Variants in PRICKLE1 observed in about 807,000 individuals in gnomAD.
PRICKLE1 encodes prickle-like protein 1.
PRICKLE1 carries 14 observed loss-of-function variants against 70.2 expected under a neutral mutation model. The observed-to-expected ratio is 0.20, with a 90% CI of 0.13 to 0.31. The LOEUF is 0.31. Among genes scored for constraint, PRICKLE1 ranks in the 10% least tolerant of loss-of-function variants. The pLI, the probability that PRICKLE1 is intolerant of heterozygous loss-of-function variation, is 1.00. For synonymous variants in PRICKLE1, 357 were observed against 379.9 expected, an observed-to-expected ratio of 0.94 and a Z score of 0.70; for missense variants, 821 against 1,026.2, an observed-to-expected ratio of 0.80 and a Z score of 2.73.
At chr12:42,576,757 C>G (rs1002467609) in intron 1 of PRICKLE1, among the ~76,000 whole-genome samples, 33 of 152,134 alleles carry the variant, frequency 2.2e-4, no homozygotes, top group African/African-American at 7.7e-4. Context: ...CCGGTGGCTG[C>G]TTATAACTTT....
chr12:42,513,500 T>C (rs1218654622), intron 1 of PRICKLE1, among the ~76,000 whole-genome samples: 1 of 152,076 alleles, frequency 6.6e-6, no homozygotes, highest in Admixed American at 6.5e-5. Context: ...TGCAGCGTGC[T>C]ATGATAATGC....
intron 1 of PRICKLE1, among the ~76,000 whole-genome samples, chr12:42,561,169 G>T (rs955531919): frequency 2.0e-5 from 3 of 152,218 alleles, no homozygotes; most frequent in Non-Finnish European, 4.4e-5. Context: ...GCTACAGCAA[G>T]ATGGTGGAGA....
At chr12:42,528,447 G>A (rs1339326278) in intron 1 of PRICKLE1, among the ~76,000 whole-genome samples, 1 of 152,094 alleles carries the variant, frequency 6.6e-6, no homozygotes, top group Non-Finnish European at 1.5e-5. Context: ...TTTAAGGAGA[G>A]CTCTTAATTT....
intron 1 of PRICKLE1, among the ~76,000 whole-genome samples, chr12:42,508,713 G>A (rs913622529): frequency 3.3e-5 from 5 of 152,204 alleles, no homozygotes; most frequent in East Asian, 1.9e-4. Context: ...ACCAGAAGCA[G>A]TGGAAAGGAA....
chr12:42,522,748 T>C (rs1939733052), intron 1 of PRICKLE1, among the ~76,000 whole-genome samples: 1 of 152,150 alleles, frequency 6.6e-6, no homozygotes, highest in Non-Finnish European at 1.5e-5. Context: ...TTTTTTCCAT[T>C]AGCAAATAGA....
intron 1 of PRICKLE1, among the ~76,000 whole-genome samples, chr12:42,486,006 T>C (rs953185423): frequency 1.3e-5 from 2 of 152,234 alleles, no homozygotes; most frequent in Admixed American, 6.5e-5. Context: ...GGTGAACTTA[T>C]GCAGAATGGA....
chr12:42,503,465 T>C (rs17091301), intron 1 of PRICKLE1, among the ~76,000 whole-genome samples: 1,572 of 152,182 alleles, frequency 0.01, 28 homozygotes, highest in African/African-American at 0.035. Context: ...CCCGGAATTT[T>C]CCCAAAATAG....
chr12:42,528,504 C>T (rs1266813291), intron 1 of PRICKLE1, among the ~76,000 whole-genome samples: 1 of 152,112 alleles, frequency 6.6e-6, no homozygotes, highest in African/African-American at 2.4e-5. Context: ...ATAAAAACAA[C>T]CTAAAAATTA....
chr12:42,573,156 A>C (rs1229313103), intron 1 of PRICKLE1, among the ~76,000 whole-genome samples: 1 of 152,214 alleles, frequency 6.6e-6, no homozygotes, highest in Non-Finnish European at 1.5e-5. Flanking sequence ...CTAAATAAAT[A>C]AAATGCTCTG....
chr12:42,527,923 A>T (rs1206901696), intron 1 of PRICKLE1, among the ~76,000 whole-genome samples: 1 of 4,078 alleles, frequency 2.5e-4, no homozygotes, highest in Admixed American at 2.8e-3. Context: ...TATAATATAT[A>T]TATATATATA....
intron 1 of PRICKLE1, among the ~76,000 whole-genome samples, chr12:42,570,090 T>G (rs1438037939): frequency 6.6e-6 from 1 of 152,262 alleles, no homozygotes; most frequent in Non-Finnish European, 1.5e-5. Flanking sequence ...TGAATTGGAA[T>G]AGTGCATGAC....
intron 1 of PRICKLE1, among the ~76,000 whole-genome samples, chr12:42,504,214 C>G (rs192983381): frequency 1.3e-5 from 2 of 152,158 alleles, no homozygotes; most frequent in African/African-American, 4.8e-5. Context: ...AAAATAGAGG[C>G]CAGAAAAGGC....
At chr12:42,461,956 G>T (rs576633370) in intron 7 of PRICKLE1, among the ~76,000 whole-genome samples, 3 of 151,828 alleles carry the variant, frequency 2.0e-5, no homozygotes, top group Admixed American at 6.6e-5. Flanking sequence ...GCGCCACCAC[G>T]CCTGGCTAAT....
At chr12:42,571,740 A>T (rs919953958) in intron 1 of PRICKLE1, among the ~76,000 whole-genome samples, 3 of 152,230 alleles carry the variant, frequency 2.0e-5, no homozygotes, top group African/African-American at 7.2e-5. Context: ...ACTGTGCATC[A>T]AAGAGCTCAT....
intron 1 of PRICKLE1, among the ~76,000 whole-genome samples, chr12:42,579,213 G>A (rs1488352209): frequency 6.6e-6 from 1 of 152,230 alleles, no homozygotes; most frequent in South Asian, 2.1e-4. Context: ...GCTAGATGGT[G>A]ACTGGGAAAA....
chr12:42,513,929 G>A (rs372496213), intron 1 of PRICKLE1, among the ~76,000 whole-genome samples: 2 of 152,088 alleles, frequency 1.3e-5, no homozygotes, highest in East Asian at 1.9e-4. Flanking sequence ...CCCAGGAGGC[G>A]GAGGTTACAG....
rs186372095 is a variant in PRICKLE1 at position 42,546,747 on chromosome 12, C to A, written c.-49+42718G>T. Among the ~76,000 whole-genome samples the A allele has an allele frequency of 2.0e-5, 3 of 152,274 alleles. No homozygotes were observed. The East Asian group carries it at 5.8e-4, about 29-fold the overall frequency. On this transcript the variant is annotated intron_variant, in intron 1 of 7. Transcript: ENST00000345127. Reference sequence around the variant, plus strand: ...CCAGCCTGGGTGACACAGCGAGACTCCATCTCAAACAAAACAAAATAAAAT... The same window carrying A: ...CCAGCCTGGGTGACACAGCGAGACTACATCTCAAACAAAACAAAATAAAAT...
chr12:42,509,423 C>T (rs1939473403), intron 1 of PRICKLE1, among the ~76,000 whole-genome samples: 1 of 152,082 alleles, frequency 6.6e-6, no homozygotes, highest in South Asian at 2.1e-4. Context: ...AATTAAGTTC[C>T]AAGGGTCTTT....
chr12:42,473,498 A>T (rs933703966), intron 1 of PRICKLE1, among the ~76,000 whole-genome samples: 1 of 152,196 alleles, frequency 6.6e-6, no homozygotes, highest in Non-Finnish European at 1.5e-5. Flanking sequence ...ATCACCATTT[A>T]TGTTCTTTGT....
Sources: allele counts gnomAD v4.1 joint callset (sites outside exome capture counted in the v4.1 genomes callset), GRCh38; gene constraint gnomAD v4.1.1; transcripts MANE v1.5; gene names NCBI Gene and HGNC (gene_info 2026-07-23, HGNC 2026-07-21).